The following DRAXIN variants were observed in gnomAD, a reference collection of about 807,000 sequenced individuals.
The protein encoded by DRAXIN is dorsal inhibitory axon guidance protein, also known as dorsal repulsive axon guidance protein.
A neutral mutation model predicts 33.9 loss-of-function variants in DRAXIN; 27 were observed. The observed-to-expected ratio is 0.80, with a 90% CI of 0.59 to 1.10. The LOEUF is 1.10. Among genes scored for constraint, DRAXIN ranks in the 50% least tolerant of loss-of-function variants. The probability of loss-of-function intolerance (pLI) is 0.00; values close to 1 mark genes in which losing one functional copy is unlikely to be tolerated. For missense variants in DRAXIN, 371 were observed against 460.8 expected, an observed-to-expected ratio of 0.81 and a Z score of 1.78; for synonymous variants, 178 against 194.0, an observed-to-expected ratio of 0.92 and a Z score of 0.69.
At chr1:11,699,655 T>C (rs1641241689) in intron 1 of DRAXIN, among the ~76,000 whole-genome samples, 1 of 152,150 alleles carries the variant, frequency 6.6e-6, no homozygotes, top group South Asian at 2.1e-4. Context: ...AAGCCAGGCA[T>C]GGTGCTCACA....
At chr1:11,689,045 TA>T (rs1223431699), upstream of DRAXIN, among the ~76,000 whole-genome samples, 4 of 152,082 alleles carry the variant, frequency 2.6e-5, no homozygotes, top group Admixed American at 6.5e-5. Context: ...CCTGTAACCC[TA>T]GCACTTTGGG....
chr1:11,688,526 A>C (rs1044425568), upstream of DRAXIN, among the ~76,000 whole-genome samples: 1 of 151,712 alleles, frequency 6.6e-6, no homozygotes, highest in Non-Finnish European at 1.5e-5. This position sits in a 1 kb window ranked among gnomAD's most constrained non-coding sequence, Gnocchi z 4.6. Context: ...GCGCCACTGC[A>C]CTCCAGCCTG....
At chr1:11,715,288 C>T in intron 6 of DRAXIN, 80 bp downstream of exon 6, 2 of 1,552,618 alleles carry the variant, frequency 1.3e-6, no homozygotes, top group South Asian at 1.1e-5. Context: ...GGCTTCTGCA[C>T]CGAGTGGGGA....
At chr1:11,699,278 T>C (rs947596600) in intron 1 of DRAXIN, among the ~76,000 whole-genome samples, 3 of 152,138 alleles carry the variant, frequency 2.0e-5, no homozygotes, top group Non-Finnish European at 4.4e-5. Flanking sequence ...TCCCAATACA[T>C]AAAATCAACA....
rs1318607526 is a variant in DRAXIN at position 11,705,454 on chromosome 1, A to G, written c.-10-795A>G. Among the ~76,000 whole-genome samples the G allele has an allele frequency of 1.3e-5, 2 of 152,032 alleles. No homozygotes were observed. Among genetic ancestry groups the G allele is most frequent in the African/African-American group, 4.8e-5 (2 of 41,392 alleles). On this transcript the variant is annotated intron_variant, in intron 1 of 6. Transcript: ENST00000294485. This position sits in a 1 kb window ranked among gnomAD's most constrained non-coding sequence, Gnocchi z 4.8. ...GTCTACCCTGCAGGGGTCAGAGCCA[A>G]GTCTGCAAAGCTGTTCCCAAAGCCC... is the stretch of plus-strand genomic sequence containing the variant.
intron 3 of DRAXIN, among the ~76,000 whole-genome samples, chr1:11,710,852 G>A (rs1458818181): frequency 7.2e-6 from 1 of 138,752 alleles, no homozygotes; most frequent in Non-Finnish European, 1.5e-5. Flanking sequence ...AACCCGGGAG[G>A]CAGAGCTTGC....
In DRAXIN at chr1:11,696,150, C is replaced by A. The variant is rs1641189224; in HGVS notation, c.-11+4297C>A. 6.6e-6 allele frequency among the ~76,000 whole-genome samples: 1 copy of A among 152,210 alleles called. No homozygotes were observed. The highest frequency in any genetic ancestry group is 1.5e-5 in the Non-Finnish European group (1 of 68,044). Reference sequence around the variant, plus strand: ...CCACCTGCGCCTGCCCCTTTGCACACCCAGGCACAGATGCACAAATGCTTC... The same window carrying A: ...CCACCTGCGCCTGCCCCTTTGCACAACCAGGCACAGATGCACAAATGCTTC... On this transcript the variant is annotated intron_variant, in intron 1 of 6. Transcript: ENST00000294485. This position sits in a 1 kb window ranked among gnomAD's most constrained non-coding sequence, Gnocchi z 4.7.
chr1:11,701,171 G>C (rs1641268117), intron 1 of DRAXIN, among the ~76,000 whole-genome samples: 1 of 152,176 alleles, frequency 6.6e-6, no homozygotes, highest in Non-Finnish European at 1.5e-5. Context: ...GGCCCTGACT[G>C]CACTCAAGGA....
chr1:11,706,552 T>G lies in DRAXIN; in HGVS notation c.294T>G (p.Pro98=). Residue 98 remains proline, a synonymous_variant, in exon 2 of 7, where the codon CCT becomes CCG. Coordinates refer to ENST00000294485, the MANE Select transcript of DRAXIN (RefSeq NM_198545.4). The surrounding 1 kb of genome is among the most constrained non-coding windows in gnomAD (Gnocchi z 5.5). ...SRLPEAEGLL[P]EQSPAGLLQD... ...TGCCAGAGGCTGAGGGGCTGCTGCCTGAGCAGAGTCCTGCAGGCCTGCTGC... is the reference window on the plus strand; with the variant it reads ...TGCCAGAGGCTGAGGGGCTGCTGCCGGAGCAGAGTCCTGCAGGCCTGCTGC... The G allele has an allele frequency of 6.2e-7, 1 of 1,610,964 alleles. No individual in the cohort carries two copies. The highest frequency in any genetic ancestry group is 8.5e-7 in the Non-Finnish European group (1 of 1,179,206).
At chr1:11,714,698 C>T (rs1024113545) in intron 5 of DRAXIN, among the ~76,000 whole-genome samples, 1 of 152,264 alleles carries the variant, frequency 6.6e-6, no homozygotes, top group Non-Finnish European at 1.5e-5. Flanking sequence ...ACTGGACAGT[C>T]GCTCTGGGAG....
intron 4 of DRAXIN, 36 bp from the exon 5 acceptor site, chr1:11,712,304 G>T: frequency 6.2e-7 from 1 of 1,612,222 alleles, no homozygotes; most frequent in Non-Finnish European, 8.5e-7. Context: ...GCTCTGCTGG[G>T]CCCCAGCTTC....
chr1:11,714,589 G>C (rs1464970107), intron 5 of DRAXIN, among the ~76,000 whole-genome samples: 2 of 152,226 alleles, frequency 1.3e-5, no homozygotes, highest in African/African-American at 4.8e-5. Flanking sequence ...CCAGCAATTA[G>C]CATTGTATAA....
intron 5 of DRAXIN, among the ~76,000 whole-genome samples, chr1:11,714,622 A>T (rs1641545591): frequency 6.6e-6 from 1 of 152,286 alleles, no homozygotes; most frequent in South Asian, 2.1e-4. Context: ...GCTCCCTGAC[A>T]GGCTGCTTCA....
upstream of DRAXIN, among the ~76,000 whole-genome samples, chr1:11,689,573 G>A (rs942529625): frequency 2.0e-5 from 3 of 151,984 alleles, no homozygotes; most frequent in African/African-American, 4.8e-5. Context: ...TCCAGCCTGG[G>A]TGAGAGCAAG....
intron 6 of DRAXIN, among the ~76,000 whole-genome samples, chr1:11,719,163 C>G (rs1288436332): frequency 6.6e-6 from 1 of 152,208 alleles, no homozygotes; most frequent in African/African-American, 2.4e-5. Context: ...CTCGGCCTTA[C>G]AAAGCGCTGG....
At chr1:11,697,117 G>T (rs61773913) in intron 1 of DRAXIN, among the ~76,000 whole-genome samples, 10,623 of 152,034 alleles carry the variant, frequency 0.07, 433 homozygotes, top group South Asian at 0.096. Context: ...GGAAACTGGG[G>T]CCCAGAGAGG....
At chr1:11,717,093 G>T (rs1224767277) in intron 6 of DRAXIN, among the ~76,000 whole-genome samples, 1 of 150,620 alleles carries the variant, frequency 6.6e-6, no homozygotes, top group African/African-American at 2.4e-5. Flanking sequence ...GACCAGCCTG[G>T]CCAACATGGT....
Position 11,692,722 on chromosome 1 carries a change from C to T in DRAXIN, c.-11+869C>T, listed in dbSNP as rs1351071820. On this transcript the variant is annotated intron_variant, in intron 1 of 6. Transcript: ENST00000294485. The surrounding 1 kb of genome is among the most constrained non-coding windows in gnomAD (Gnocchi z 5.8). Reference sequence around the variant, plus strand: ...CCCTATATGCTCCCTCCACGCTGCCCACCTCCCAGCCCAGTGACACACTGG... The same window carrying T: ...CCCTATATGCTCCCTCCACGCTGCCTACCTCCCAGCCCAGTGACACACTGG... Among the ~76,000 whole-genome samples, 1 of 152,170 alleles carries T rather than the reference C, an allele frequency of 6.6e-6. No homozygotes were observed. The highest frequency in any genetic ancestry group is 1.5e-5 in the Non-Finnish European group (1 of 68,030).
rs1641191757 is a variant in DRAXIN, at chr1:11,696,350, G to A, written c.-11+4497G>A. Among the ~76,000 whole-genome samples, 1 of 152,210 alleles carries A rather than the reference G, an allele frequency of 6.6e-6. No individual in the cohort carries two copies. The highest frequency in any genetic ancestry group is 2.4e-5 in the African/African-American group (1 of 41,462). ...CGCCTGTAATCCCAGCACTTTGGGA[G>A]ACAGAGGCAGGCGGATCATGAGGTC... On this transcript the variant is annotated intron_variant, in intron 1 of 6. Transcript: ENST00000294485. The surrounding 1 kb of genome is among the most constrained non-coding windows in gnomAD (Gnocchi z 4.7).
Sources: gnomAD v4.1 joint callset for allele counts (sites outside exome capture counted in the v4.1 genomes callset) on GRCh38, gnomAD v4.1.1 for gene constraint, Gnocchi (gnomAD v3.1) non-coding constraint, MANE v1.5 for transcripts, NCBI Gene and HGNC (gene_info 2026-07-23, HGNC 2026-07-21) for gene names.